The following CCDC7 variants were observed in gnomAD, a reference collection of about 807,000 sequenced individuals.
CCDC7 encodes coiled-coil domain-containing protein 7.
Under a neutral mutation model 196.9 loss-of-function variants are expected in CCDC7, and 183 were observed. That is an observed-to-expected ratio of 0.93 (90% confidence interval 0.82 to 1.05). The LOEUF (loss-of-function observed/expected upper bound fraction) is 1.05, where lower values mean the gene tolerates loss of function less well. Ranked by LOEUF, CCDC7 falls within the 50% of genes least tolerant of loss-of-function variation. The pLI, the probability that CCDC7 is intolerant of heterozygous loss-of-function variation, is 0.00. For missense variants in CCDC7, 1,540 were observed against 1,482.2 expected (o/e 1.04, Z -0.64); for synonymous variants, 525 against 484.6 (o/e 1.08, Z -1.10).
chr10:32,851,786 A>C, intron 39 of CCDC7, 21 bp from the exon 41 acceptor site: 3 of 1,604,962 alleles, frequency 1.9e-6, no homozygotes, highest in Non-Finnish European at 2.6e-6. Context: ...TATGGCTAAC[A>C]TATTTTCCAA....
intron 18 of CCDC7, among the ~76,000 whole-genome samples, chr10:32,589,910 T>C (rs547771902): frequency 4.8e-4 from 73 of 152,246 alleles, no homozygotes; most frequent in Non-Finnish European, 9.0e-4. Context: ...TGGAATATGC[T>C]TTTTTTCATC....
intron 22 of CCDC7, among the ~76,000 whole-genome samples, chr10:32,686,504 A>G (rs569028935): frequency 6.6e-6 from 1 of 152,342 alleles, no homozygotes; most frequent in South Asian, 2.1e-4. Flanking sequence ...AAGGGGAACA[A>G]TAGCATAGGA....
intron 29 of CCDC7, among the ~76,000 whole-genome samples, chr10:32,798,315 AGCC>A (rs1180954674): frequency 2.0e-5 from 3 of 152,238 alleles, no homozygotes; most frequent in Non-Finnish European, 2.9e-5. Flanking sequence ...CAGTGGCCGT[AGCC>A]AGATCAGCCT....
chr10:32,749,846 G>A (rs545519894), intron 28 of CCDC7, among the ~76,000 whole-genome samples: 118 of 152,222 alleles, frequency 7.8e-4, no homozygotes, highest in Non-Finnish European at 1.2e-3. Flanking sequence ...AAATAAGCAT[G>A]AAGCAAAACT....
chr10:32,877,983 C>G (rs774814189), downstream of CCDC7, among the ~76,000 whole-genome samples: 2 of 151,966 alleles, frequency 1.3e-5, no homozygotes, highest in Non-Finnish European at 2.9e-5. Context: ...CCTGTAGCTA[C>G]TGGCAGAGGA....
chr10:32,492,825 A>G (rs1019781167), intron 9 of CCDC7, among the ~76,000 whole-genome samples: 7 of 152,150 alleles, frequency 4.6e-5, no homozygotes, highest in Non-Finnish European at 7.4e-5. Context: ...TTAAGATGGT[A>G]AATTTTATGT....
At chr10:32,862,583 A>G (rs1335522181) in intron 41 of CCDC7, among the ~76,000 whole-genome samples, 2 of 151,928 alleles carry the variant, frequency 1.3e-5, no homozygotes, top group Non-Finnish European at 1.5e-5. Flanking sequence ...CACAGCTAAC[A>G]TCATAATCAA....
intron 9 of CCDC7, among the ~76,000 whole-genome samples, chr10:32,506,190 G>A (rs1358668117): frequency 7.0e-6 from 1 of 143,104 alleles, no homozygotes; most frequent in Non-Finnish European, 1.5e-5. Flanking sequence ...GGGCAGCCAG[G>A]CAGAGGCACT....
intron 32 of CCDC7, among the ~76,000 whole-genome samples, chr10:32,826,948 C>T (rs1476070265): frequency 6.6e-6 from 1 of 152,180 alleles, no homozygotes; most frequent in African/African-American, 2.4e-5. Flanking sequence ...TTGAAAGAAG[C>T]ATGATTGAAA....
chr10:32,567,836 T>C, exon 15 of CCDC7: 1 of 1,613,548 alleles, frequency 6.2e-7, no homozygotes, highest in Non-Finnish European at 8.5e-7. Flanking sequence ...AGAAAATCAC[T>C]GGTTTCAGAT....
intron 29 of CCDC7, among the ~76,000 whole-genome samples, chr10:32,800,867 A>G (rs1356557301): frequency 1.3e-5 from 2 of 152,208 alleles, no homozygotes; most frequent in Non-Finnish European, 2.9e-5. Flanking sequence ...TTCTGCTTAT[A>G]TAAATTAAGT....
At position 32,874,030 on chromosome 10, in the gene CCDC7, C is replaced by T. The variant is rs574848045; in HGVS notation, c.4112-2317C>T. Among the ~76,000 whole-genome samples, 19 of 151,506 alleles carry T rather than the reference C, an allele frequency of 1.3e-4. No individual in the cohort carries two copies. The East Asian group carries it at 2.9e-3, about 23-fold the overall frequency. On this transcript the variant is annotated intron_variant, in intron 41 of 41. Coordinates refer to ENST00000639629, the Ensembl canonical transcript of CCDC7. ...ACAATTAATAATTAAAATCACTTTT[C>T]CTTCACCAAATCCTGTCTCAAAAAG...
At chr10:32,758,033 G>T (rs112447040) in intron 28 of CCDC7, among the ~76,000 whole-genome samples, 5 of 151,844 alleles carry the variant, frequency 3.3e-5, no homozygotes, top group African/African-American at 4.8e-5. Context: ...ACATACACCC[G>T]CCCAAGACTA....
chr10:32,752,770 G>T (rs12414510), intron 28 of CCDC7, among the ~76,000 whole-genome samples: 12,997 of 152,106 alleles, frequency 0.085, 870 homozygotes, highest in South Asian at 0.25. Flanking sequence ...TAAGATTTCT[G>T]AAGTATTTCA....
chr10:32,805,141 C>T (rs969844428), intron 30 of CCDC7, 43 bp downstream of exon 31: 11 of 1,424,358 alleles, frequency 7.7e-6, no homozygotes, highest in Non-Finnish European at 1.1e-5. Context: ...ATTTATTTTT[C>T]TCCTTCAAAG....
In CCDC7 at chr10:32,551,972, G is replaced by A. The variant is rs190482421; in HGVS notation, c.1134+7671G>A. Among the ~76,000 whole-genome samples the A allele has an allele frequency of 4.9e-3, 749 of 152,092 alleles. 3 individuals carry two copies. Among genetic ancestry groups the A allele is most frequent in the South Asian group, 0.016 (75 of 4,808 alleles). The stretch of plus-strand genomic sequence containing the variant: ...TCTTTGTTGACTTTCTGTCTTGATG[G>A]CCTGTCTTGTACTGTCAGTGGAGTA... On this transcript the variant is annotated intron_variant, in intron 13 of 41. Transcript: ENST00000639629.
intron 11 of CCDC7, among the ~76,000 whole-genome samples, chr10:32,533,554 G>A (rs1207971220): frequency 2.6e-5 from 4 of 151,682 alleles, no homozygotes; most frequent in Non-Finnish European, 5.9e-5. Context: ...TCAGATTGAA[G>A]AACTCCCTTT....
At chr10:32,609,091 G>C (rs2061827861) in intron 18 of CCDC7, among the ~76,000 whole-genome samples, 1 of 152,188 alleles carries the variant, frequency 6.6e-6, no homozygotes, top group African/African-American at 2.4e-5. Context: ...TTCTGTAGCT[G>C]TTGGGTAAAA....
At chr10:32,469,049 G>A (rs1216123690) in intron 5 of CCDC7, among the ~76,000 whole-genome samples, 1 of 152,148 alleles carries the variant, frequency 6.6e-6, no homozygotes, top group African/African-American at 2.4e-5. Flanking sequence ...TGAAGAAACC[G>A]TTTAGCTGAT....
Sources: gnomAD v4.1 joint callset for allele counts (sites outside exome capture counted in the v4.1 genomes callset) on GRCh38, gnomAD v4.1.1 for gene constraint, MANE v1.5 for transcripts, NCBI Gene and HGNC (gene_info 2026-07-23, HGNC 2026-07-21) for gene names.